The following KSR2 variants were observed in gnomAD, a reference collection of about 807,000 sequenced individuals.
KSR2 encodes kinase suppressor of ras 2.
Under a neutral mutation model 107.8 loss-of-function variants are expected in KSR2, and 25 were observed. The observed-to-expected ratio is 0.23, with a 90% confidence interval of 0.17 to 0.32. The LOEUF (loss-of-function observed/expected upper bound fraction) is 0.32. Among genes scored for constraint, KSR2 ranks in the 10% least tolerant of loss-of-function variants. The probability of loss-of-function intolerance (pLI) is 1.00; values close to 1 mark genes in which losing one functional copy is unlikely to be tolerated. For synonymous variants in KSR2, 480 were observed against 507.0 expected, an observed-to-expected ratio of 0.95 and a Z score of 0.71; for missense variants, 887 against 1,268.9, an observed-to-expected ratio of 0.70 and a Z score of 4.57.
chr12:117,573,264 G>A (rs1044685542), intron 7 of KSR2, among the ~76,000 whole-genome samples: 11 of 152,200 alleles, frequency 7.2e-5, no homozygotes, highest in African/African-American at 2.7e-4. Flanking sequence ...AATTCATAAA[G>A]TTAGTAACAG....
intron 1 of KSR2, among the ~76,000 whole-genome samples, chr12:117,863,019 G>A (rs1000964002): frequency 6.6e-6 from 1 of 152,008 alleles, no homozygotes; most frequent in African/African-American, 2.4e-5. Context: ...GTGAGCCACC[G>A]CACCCGGCCT....
chr12:117,887,761 A>G (rs1894218585), intron 1 of KSR2, among the ~76,000 whole-genome samples: 1 of 152,180 alleles, frequency 6.6e-6, no homozygotes, highest in Non-Finnish European at 1.5e-5. Context: ...CAGCAGAAGA[A>G]TGACCATTCT....
chr12:117,865,477 C>A (rs2137263817), intron 1 of KSR2, among the ~76,000 whole-genome samples: 1 of 152,282 alleles, frequency 6.6e-6, no homozygotes, highest in African/African-American at 2.4e-5. Context: ...AAATAAGGAT[C>A]TGGTCCCTTT....
chr12:117,933,734 T>C (rs1247129798), intron 1 of KSR2, among the ~76,000 whole-genome samples: 1 of 152,216 alleles, frequency 6.6e-6, no homozygotes, highest in Non-Finnish European at 1.5e-5. Flanking sequence ...AAGCCCTAAA[T>C]TGCGGGGCCA....
intron 1 of KSR2, among the ~76,000 whole-genome samples, chr12:117,862,598 T>A (rs1893337398): frequency 1.3e-5 from 2 of 152,120 alleles, no homozygotes; most frequent in South Asian, 2.1e-4. Context: ...TGAGCCATGA[T>A]CATACCACTG....
At chr12:117,713,070 TATAG>T (rs966613876) in intron 4 of KSR2, among the ~76,000 whole-genome samples, 37 of 149,560 alleles carry the variant, frequency 2.5e-4, no homozygotes, top group African/African-American at 6.6e-4. Flanking sequence ...TATATACTTA[TATAG>T]ATAGATTATA....
At chr12:117,628,676 G>A (rs1326491953) in intron 5 of KSR2, among the ~76,000 whole-genome samples, 2 of 152,230 alleles carry the variant, frequency 1.3e-5, no homozygotes, top group African/African-American at 4.8e-5. Context: ...CACTTGAGGA[G>A]GCAGTCTGTC....
intron 5 of KSR2, among the ~76,000 whole-genome samples, chr12:117,664,754 T>A (rs764099741): frequency 3.3e-5 from 5 of 152,052 alleles, no homozygotes; most frequent in African/African-American, 4.8e-5. Context: ...CTAGATTGGA[T>A]CTGGATTCAG....
At chr12:117,840,522 A>G (rs2137157902) in intron 3 of KSR2, among the ~76,000 whole-genome samples, 1 of 152,212 alleles carries the variant, frequency 6.6e-6, no homozygotes, top group Admixed American at 6.5e-5. Flanking sequence ...CAGCCTCTCA[A>G]GTAACTGGGA....
chr12:117,936,992 G>C (rs1895867458), intron 1 of KSR2, among the ~76,000 whole-genome samples: 2 of 152,172 alleles, frequency 1.3e-5, no homozygotes, highest in Admixed American at 1.3e-4. Context: ...TCTGCCCCCA[G>C]CCTCAAGGTG....
chr12:117,468,372 C>T (rs1043549268), intron 19 of KSR2, among the ~76,000 whole-genome samples: 3 of 152,228 alleles, frequency 2.0e-5, no homozygotes, highest in Non-Finnish European at 4.4e-5. Context: ...CCAGGCCACA[C>T]AGCTATTACG....
chr12:117,819,132 T>G (rs1485411072), intron 3 of KSR2, among the ~76,000 whole-genome samples: 1 of 151,946 alleles, frequency 6.6e-6, no homozygotes, highest in African/African-American at 2.4e-5. Flanking sequence ...TACCGCCCCC[T>G]CACTGTGGCC....
intron 1 of KSR2, among the ~76,000 whole-genome samples, chr12:117,893,168 C>T (rs770285805): frequency 2.6e-4 from 40 of 152,054 alleles, no homozygotes; most frequent in Middle Eastern, 6.8e-3. Context: ...CAGGTGCATA[C>T]CACCATGTCC....
chr12:117,721,463 T>C (rs1252255395), intron 4 of KSR2, among the ~76,000 whole-genome samples: 2 of 152,166 alleles, frequency 1.3e-5, no homozygotes, highest in Admixed American at 6.5e-5. Flanking sequence ...TTTCTACTGT[T>C]GTCCCAGAAT....
chr12:117,665,145 C>T (rs1041704142), intron 5 of KSR2, among the ~76,000 whole-genome samples: 1 of 152,028 alleles, frequency 6.6e-6, no homozygotes, highest in Non-Finnish European at 1.5e-5. Context: ...TTTTGAAGAA[C>T]CAAGACTGTC....
chr12:117,709,457 G>A lies in KSR2; in HGVS notation c.987-41799C>T, dbSNP rs186902757. Among the ~76,000 whole-genome samples the A allele has an allele frequency of 1.1e-4, 16 of 152,242 alleles. No individual in the cohort carries two copies. The South Asian group carries it at 3.3e-3, about 32-fold the overall frequency. Reference sequence around the variant, plus strand: ...TCCCATCTCAGTCTCCAGAGTAGCTGGGTCTATGGGCATGCACCACCATGC... The same window carrying A: ...TCCCATCTCAGTCTCCAGAGTAGCTAGGTCTATGGGCATGCACCACCATGC... On this transcript the variant is annotated intron_variant, in intron 4 of 19. Transcript: ENST00000339824.
chr12:117,605,942 A>T (rs1043939917), intron 5 of KSR2, among the ~76,000 whole-genome samples: 2 of 152,204 alleles, frequency 1.3e-5, no homozygotes, highest in Non-Finnish European at 2.9e-5. Flanking sequence ...TTTATGCCTC[A>T]GTTAGATTCC....
chr12:117,818,947 G>A (rs141800084), intron 3 of KSR2, among the ~76,000 whole-genome samples: 54 of 152,256 alleles, frequency 3.5e-4, no homozygotes, highest in Admixed American at 3.5e-3. Flanking sequence ...GGCCTTTGCT[G>A]ACCAGGGCAG....
chr12:117,621,076 A>T (rs1424504780), intron 5 of KSR2, among the ~76,000 whole-genome samples: 1 of 152,126 alleles, frequency 6.6e-6, no homozygotes, highest in African/African-American at 2.4e-5. Context: ...TGTAATCCCC[A>T]CGTGTCAAGA....
Sources: gnomAD v4.1 joint callset for allele counts (sites outside exome capture counted in the v4.1 genomes callset) on GRCh38, gnomAD v4.1.1 for gene constraint, MANE v1.5 for transcripts, NCBI Gene and HGNC (gene_info 2026-07-23, HGNC 2026-07-21) for gene names.